Variants in GATB observed in about 807,000 individuals in gnomAD.
The protein encoded by GATB is glutamyl-tRNA(Gln) amidotransferase subunit B, mitochondrial.
Under a neutral mutation model 62.3 loss-of-function variants are expected in GATB, and 39 were observed. The observed-to-expected ratio is 0.63, with a 90% CI of 0.48 to 0.82. The LOEUF is 0.82. Ranked by LOEUF, GATB falls within the 40% of genes least tolerant of loss-of-function variation. GATB has a pLI of 0.00. For missense variants in GATB, 670 were observed against 684.0 expected (o/e 0.98, Z 0.23); for synonymous variants, 276 against 258.9 (o/e 1.07, Z -0.63).
intron 10 of GATB, among the ~76,000 whole-genome samples, chr4:151,686,250 A>G (rs1738242753): frequency 6.6e-6 from 1 of 151,996 alleles, no homozygotes; most frequent in South Asian, 2.1e-4. Context: ...TTCATTTTAC[A>G]GTGAGGAAAC....
chr4:151,760,990 C>T lies in GATB; in HGVS notation c.-8G>A. On this transcript the variant is annotated 5_prime_UTR_variant, in exon 1 of 13. Coordinates refer to ENST00000263985, the MANE Select transcript of GATB (RefSeq NM_004564.3). Reference sequence around the variant, plus strand: ...CAGCATGGGCGCCGCCATTGTAACTCCAGGGTCTTGGTCAGGTGACTCAGC... The same window carrying T: ...CAGCATGGGCGCCGCCATTGTAACTTCAGGGTCTTGGTCAGGTGACTCAGC... The T allele has an allele frequency of 6.2e-7, 1 of 1,608,554 alleles. No homozygotes were observed. The highest frequency in any genetic ancestry group is 1.1e-5 in the South Asian group (1 of 90,230).
chr4:151,678,125 C>T (rs1157122618), intron 11 of GATB, among the ~76,000 whole-genome samples: 3 of 152,030 alleles, frequency 2.0e-5, no homozygotes, highest in Non-Finnish European at 2.9e-5. Context: ...AAAAAAACCC[C>T]AAGGCAATGA....
In GATB at chr4:151,719,422, T is replaced by A. The variant is rs1738982585; in HGVS notation, c.441+3A>T. The A allele has an allele frequency of 6.2e-7, 1 of 1,600,124 alleles. No individual in the cohort carries two copies. The highest frequency in any genetic ancestry group is 8.6e-7 in the Non-Finnish European group (1 of 1,168,344). On this transcript the variant is annotated splice_donor_region_variant and intron_variant, in intron 3 of 12. Coordinates refer to ENST00000263985, the MANE Select transcript of GATB (RefSeq NM_004564.3). ...AGTGGGGTGGATCACAAAGTGTACT[T>A]ACAGGGAGGTCTGCATAGAAGTAGT...
At chr4:151,704,067 T>C (rs1017981337) in intron 7 of GATB, among the ~76,000 whole-genome samples, 172 bp from the exon 8 acceptor site, 1 of 151,436 alleles carries the variant, frequency 6.6e-6, no homozygotes, top group African/African-American at 2.4e-5. Context: ...GAAAGCGAAA[T>C]GTACAGAATG....
chr4:151,739,507 T>C (rs901862817), intron 2 of GATB, among the ~76,000 whole-genome samples: 2 of 152,096 alleles, frequency 1.3e-5, no homozygotes, highest in African/African-American at 4.8e-5. Flanking sequence ...CTCCCCACAA[T>C]GTTACATGTG....
At chr4:151,679,003 C>G (rs1738075907) in intron 11 of GATB, among the ~76,000 whole-genome samples, 1 of 152,208 alleles carries the variant, frequency 6.6e-6, no homozygotes, top group African/African-American at 2.4e-5. Context: ...TGAAGTGATT[C>G]TCCTGTATCA....
At chr4:151,704,012 C>T (rs1001792713) in intron 7 of GATB, 117 bp from the exon 8 acceptor site, 1 of 655,744 alleles carries the variant, frequency 1.5e-6, no homozygotes, top group African/African-American at 1.8e-5. Flanking sequence ...CTGTGGACTT[C>T]CATGGGGAAA....
chr4:151,704,193 T>C (rs56237971), intron 7 of GATB, among the ~76,000 whole-genome samples: 1,573 of 152,146 alleles, frequency 0.01, 21 homozygotes, highest in African/African-American at 0.036. Flanking sequence ...ATGCTCAAAA[T>C]TCTGAGTGAG....
At chr4:151,692,790 C>T (rs1282480710) in intron 9 of GATB, among the ~76,000 whole-genome samples, 1 of 152,242 alleles carries the variant, frequency 6.6e-6, no homozygotes, top group East Asian at 1.9e-4. Context: ...TGTTATTTCT[C>T]ATACCAATTG....
intron 5 of GATB, among the ~76,000 whole-genome samples, chr4:151,709,497 C>T (rs1342687306): frequency 2.6e-5 from 4 of 152,160 alleles, no homozygotes; most frequent in African/African-American, 7.2e-5. Context: ...TTCCTGACAC[C>T]GTGAGACTCT....
chr4:151,737,377 C>G (rs1456800355), intron 2 of GATB, among the ~76,000 whole-genome samples: 2 of 152,182 alleles, frequency 1.3e-5, no homozygotes, highest in Non-Finnish European at 2.9e-5. Context: ...TTTAGGGTAT[C>G]TGACAGAAGA....
chr4:151,717,141 T>C, intron 3 of GATB, 67 bp from the exon 4 acceptor site: 1 of 1,450,098 alleles, frequency 6.9e-7, no homozygotes, highest in Non-Finnish European at 9.6e-7. Context: ...CAGTTTACTA[T>C]CCCTTTTACA....
intron 8 of GATB, among the ~76,000 whole-genome samples, chr4:151,702,941 C>G (rs1738634921): frequency 6.6e-6 from 1 of 152,158 alleles, no homozygotes; most frequent in Non-Finnish European, 1.5e-5. Flanking sequence ...GGGAAGCTTC[C>G]TGCAGCTCAC....
intron 9 of GATB, chr4:151,691,793 A>G (rs1224465021): frequency 6.6e-6 from 1 of 152,250 alleles, no homozygotes; most frequent in East Asian, 1.9e-4. Flanking sequence ...GAGGTGGACT[A>G]TATTTATTTA....
At chr4:151,729,993 G>C (rs1000567521) in intron 2 of GATB, among the ~76,000 whole-genome samples, 19 of 152,166 alleles carry the variant, frequency 1.2e-4, no homozygotes, top group African/African-American at 2.9e-4. Flanking sequence ...TGCTCCTACA[G>C]GACCCGGGAG....
chr4:151,708,468 G>T (rs115169877), intron 5 of GATB, among the ~76,000 whole-genome samples: 1,927 of 152,134 alleles, frequency 0.013, 39 homozygotes, highest in African/African-American at 0.044. Flanking sequence ...GTTTTATACT[G>T]AAGTTTTTTT....
chr4:151,728,034 C>A (rs1739171537), intron 2 of GATB, among the ~76,000 whole-genome samples: 1 of 152,124 alleles, frequency 6.6e-6, no homozygotes, highest in African/African-American at 2.4e-5. Flanking sequence ...AAATGATAAC[C>A]AACACCTTTT....
chr4:151,707,877 G>A, intron 6 of GATB, 111 bp downstream of exon 6: 2 of 714,372 alleles, frequency 2.8e-6, no homozygotes, highest in Non-Finnish European at 4.9e-6. Flanking sequence ...GAACGGACCA[G>A]TGAAAACGAA....
chr4:151,730,498 T>G lies in GATB; in HGVS notation c.328-10960A>C, dbSNP rs1348106356. ...AAATAAAGCATTAAACCACCAAAGCTAAGGACTCCCACGGAGTCCACTGCA... is the reference window on the plus strand; with the variant it reads ...AAATAAAGCATTAAACCACCAAAGCGAAGGACTCCCACGGAGTCCACTGCA... On this transcript the variant is annotated intron_variant, in intron 2 of 12. Transcript: ENST00000263985. The surrounding 1 kb of genome is among the most constrained non-coding windows in gnomAD (Gnocchi z 4.1). Among the ~76,000 whole-genome samples, 1 of 152,158 alleles carries G rather than the reference T, an allele frequency of 6.6e-6. No individual in the cohort carries two copies. Among genetic ancestry groups the G allele is most frequent in the African/African-American group, 2.4e-5 (1 of 41,432 alleles).
Sources: allele counts gnomAD v4.1 joint callset (sites outside exome capture counted in the v4.1 genomes callset), GRCh38; gene constraint gnomAD v4.1.1; non-coding constraint Gnocchi (gnomAD v3.1); transcripts MANE v1.5; gene names NCBI Gene and HGNC (gene_info 2026-07-23, HGNC 2026-07-21).